The following HTRA3 variants were observed in gnomAD, a reference collection of about 807,000 sequenced individuals.
HTRA3 encodes HtrA serine peptidase 3, also known as serine protease HTRA3.
A neutral mutation model predicts 43.2 loss-of-function variants in HTRA3; 41 were observed. That is an observed-to-expected ratio of 0.95 (90% confidence interval 0.74 to 1.23). The LOEUF (loss-of-function observed/expected upper bound fraction) is 1.23, where lower values mean the gene tolerates loss of function less well. Among genes scored for constraint, HTRA3 ranks in the 50% most tolerant of loss-of-function variants. The pLI is 0.00. For synonymous variants in HTRA3, 295 were observed against 287.9 expected, an observed-to-expected ratio of 1.02 and a Z score of -0.25; for missense variants, 628 against 647.1, an observed-to-expected ratio of 0.97 and a Z score of 0.32.
In HTRA3 at chr4:8,297,995, A is replaced by G. The variant is rs1242152907; in HGVS notation, c.1051+3794A>G. Among the ~76,000 whole-genome samples the G allele has an allele frequency of 2.0e-5, 3 of 152,130 alleles. No individual in the cohort carries two copies. The highest frequency in any genetic ancestry group is 7.2e-5 in the African/African-American group (3 of 41,416). On this transcript the variant is annotated intron_variant, in intron 6 of 8. Transcript: ENST00000307358. The surrounding 1 kb of genome is among the most constrained non-coding windows in gnomAD (Gnocchi z 5.8). ...CCACATGCCTCATCCACTGTCAGCG[A>G]GTCCATTGGCCCAGGCTTCAGGATG...
intron 2 of HTRA3, among the ~76,000 whole-genome samples, chr4:8,283,060 G>A (rs1456581562): frequency 6.6e-6 from 1 of 152,216 alleles, no homozygotes; most frequent in Non-Finnish European, 1.5e-5. Context: ...AAGCACCGAG[G>A]CCCGTGTGGC....
intron 7 of HTRA3, among the ~76,000 whole-genome samples, chr4:8,302,792 C>G (rs73801725): frequency 5.3e-4 from 80 of 152,352 alleles, no homozygotes; most frequent in Non-Finnish European, 9.8e-4. Context: ...AATGTGTTCC[C>G]TCTCAGTTCT....
intron 6 of HTRA3, among the ~76,000 whole-genome samples, chr4:8,294,425 C>G (rs538437441): frequency 6.6e-6 from 1 of 151,842 alleles, no homozygotes; most frequent in Non-Finnish European, 1.5e-5. Flanking sequence ...GATTCGTGAT[C>G]GGCTTCATCC....
chr4:8,288,216 C>T (rs952806587), intron 3 of HTRA3, among the ~76,000 whole-genome samples: 1 of 152,218 alleles, frequency 6.6e-6, no homozygotes, highest in African/African-American at 2.4e-5. Flanking sequence ...GCATCACCTC[C>T]ATTTTAAAGT....
chr4:8,278,468 G>T (rs902874844), intron 1 of HTRA3, among the ~76,000 whole-genome samples: 1 of 152,062 alleles, frequency 6.6e-6, no homozygotes, highest in Non-Finnish European at 1.5e-5. Flanking sequence ...TCGAGGATGG[G>T]GTGGGGGTGG....
At position 8,295,537 on chromosome 4, in the gene HTRA3, G is replaced by A. The variant is rs1286715568; in HGVS notation, c.1051+1336G>A. On this transcript the variant is annotated intron_variant, in intron 6 of 8. Transcript: ENST00000307358. This position sits in a 1 kb window ranked among gnomAD's most constrained non-coding sequence, Gnocchi z 6.9. Reference sequence around the variant, plus strand: ...CCAGAGCAGGGCCATGCTTCCAATCGCAGGGCCTTTCCTGGGGGCCTCTCC... The same window carrying A: ...CCAGAGCAGGGCCATGCTTCCAATCACAGGGCCTTTCCTGGGGGCCTCTCC... Among the ~76,000 whole-genome samples, 2 of 152,200 alleles carry A rather than the reference G, an allele frequency of 1.3e-5. No homozygotes were observed. The highest frequency in any genetic ancestry group is 2.9e-5 in the Non-Finnish European group (2 of 68,036).
Position 8,296,198 on chromosome 4 carries a change from C to A in HTRA3, c.1051+1997C>A. The A allele has an allele frequency of 1.0e-6, 1 of 986,070 alleles. No homozygotes were observed. Among genetic ancestry groups the A allele is most frequent in the Non-Finnish European group, 1.2e-6 (1 of 830,390 alleles). 61.1% of individuals were successfully genotyped at this position (986,070 alleles called of 1,614,324 possible). On this transcript the variant is annotated intron_variant, in intron 6 of 8. Coordinates refer to ENST00000307358, the MANE Select transcript of HTRA3 (RefSeq NM_053044.5). The surrounding 1 kb of genome is among the most constrained non-coding windows in gnomAD (Gnocchi z 5.3). The stretch of plus-strand genomic sequence containing the variant: ...TGATAGTGTCCTCTTCCCTTCTTGC[C>A]TCTCTCTTTCTCCTGAGACAGGATC...
At chr4:8,273,317 T>C (rs915902218) in intron 1 of HTRA3, among the ~76,000 whole-genome samples, 1 of 152,116 alleles carries the variant, frequency 6.6e-6, no homozygotes, top group African/African-American at 2.4e-5. Flanking sequence ...CCTCCCGAGG[T>C]CCCAGCCAGA....
At chr4:8,271,182 G>T (rs756596281) in intron 1 of HTRA3, among the ~76,000 whole-genome samples, 20 of 151,972 alleles carry the variant, frequency 1.3e-4, no homozygotes, top group Non-Finnish European at 2.9e-4. Flanking sequence ...ACCATGGGGA[G>T]CACCAACTGC....
chr4:8,272,455 A>G (rs750441448), intron 1 of HTRA3, among the ~76,000 whole-genome samples: 1 of 152,090 alleles, frequency 6.6e-6, no homozygotes, highest in Non-Finnish European at 1.5e-5. Context: ...GTCCCAGCGC[A>G]CCTCTTCCCG....
At chr4:8,290,831 G>A (rs903348126) in intron 3 of HTRA3, among the ~76,000 whole-genome samples, 1 of 152,190 alleles carries the variant, frequency 6.6e-6, no homozygotes, top group African/African-American at 2.4e-5. Context: ...GGCGTGGGGT[G>A]GAGCTCGGCT....
intron 4 of HTRA3, 23 bp downstream of exon 4, chr4:8,291,587 C>T (rs779747831): frequency 3.0e-5 from 45 of 1,514,594 alleles, no homozygotes; most frequent in Non-Finnish European, 3.6e-5. Flanking sequence ...GACAGGAGGC[C>T]GGGGCACCTG....
At position 8,295,971 on chromosome 4, in the gene HTRA3, G is replaced by T. The variant is rs1713440165; in HGVS notation, c.1051+1770G>T. On this transcript the variant is annotated intron_variant, in intron 6 of 8. Transcript: ENST00000307358. The surrounding 1 kb of genome is among the most constrained non-coding windows in gnomAD (Gnocchi z 6.9). The stretch of plus-strand genomic sequence containing the variant: ...ATCTAATCTCTTGAGCCCTTTTCCT[G>T]TTGGCTTCTAGGAAGCTCAGAGCTA... 8 of 1,208,912 alleles carry T rather than the reference G, an allele frequency of 6.6e-6. No individual in the cohort carries two copies. The highest frequency in any genetic ancestry group is 2.1e-6 in the Non-Finnish European group (2 of 973,342). The allele number at this position is 1,208,912 out of a possible 1,614,324, so 74.9% of individuals were successfully genotyped here. A position where few individuals can be genotyped will look rare whatever the true frequency, so the allele number is the denominator to read the frequency against.
At position 8,297,267 on chromosome 4, in the gene HTRA3, C is replaced by G. The variant is rs1459728408; in HGVS notation, c.1051+3066C>G. 2.0e-5 allele frequency among the ~76,000 whole-genome samples: 3 copies of G among 151,854 alleles called. No individual in the cohort carries two copies. Among genetic ancestry groups the G allele is most frequent in the African/African-American group, 7.3e-5 (3 of 41,330 alleles). On this transcript the variant is annotated intron_variant, in intron 6 of 8. Coordinates refer to ENST00000307358, the MANE Select transcript of HTRA3 (RefSeq NM_053044.5). This position sits in a 1 kb window ranked among gnomAD's most constrained non-coding sequence, Gnocchi z 5.8. ...GTGTGTTCTGCTCACCTCTCAAGTT[C>G]AAGGAGAAGAGGCTTCAGAGTCCCC...
intron 3 of HTRA3, among the ~76,000 whole-genome samples, chr4:8,287,825 G>A (rs972241943): frequency 1.3e-5 from 2 of 152,196 alleles, no homozygotes; most frequent in Non-Finnish European, 2.9e-5. Flanking sequence ...ACAGCGCACT[G>A]GAGCAGGGCT....
rs554103213 is a variant in HTRA3, at chr4:8,292,063, CTGCCTGGCCTCCGGGGTGTAGA to C, written c.904-253_904-232del. Among the ~76,000 whole-genome samples the C allele has an allele frequency of 3.0e-3, 459 of 152,306 alleles. 3 individuals carry two copies. The highest frequency in any genetic ancestry group is 5.4e-3 in the South Asian group (26 of 4,826). ...CCCATTCTCCATGCACCAGGCGGTG[CTGCCTGGCCTCCGGGGTGTAGA>C]TGCCGAAGCGTATGGTTTGTGCAGA... On this transcript the variant is annotated intron_variant, in intron 4 of 8. Coordinates refer to ENST00000307358, the MANE Select transcript of HTRA3 (RefSeq NM_053044.5).
Position 8,282,471 on chromosome 4 carries a change from C to A in HTRA3, c.420C>A (p.Phe140Leu). ...AGCTGAGCAGCCCGCGCTACAAGTT[C>A]AACTTCATTGCTGACGTGGTGGAGA... ...LHQLSSPRYK[F>L]NFIADVVEKI... Residue 140 changes from phenylalanine (F) to leucine (L), a missense_variant, in exon 2 of 9, where the codon TTC becomes TTA. Coordinates refer to ENST00000307358, the MANE Select transcript of HTRA3 (RefSeq NM_053044.5). 6.2e-7 allele frequency: 1 copy of A among 1,614,070 alleles called. No homozygotes were observed. The highest frequency in any genetic ancestry group is 8.5e-7 in the Non-Finnish European group (1 of 1,180,002).
At chr4:8,289,930 G>A (rs1054831819) in intron 3 of HTRA3, among the ~76,000 whole-genome samples, 2 of 151,408 alleles carry the variant, frequency 1.3e-5, no homozygotes, top group African/African-American at 4.9e-5. Flanking sequence ...TTGGGTGCAG[G>A]GAGGATGGGC....
intron 6 of HTRA3, among the ~76,000 whole-genome samples, chr4:8,294,657 C>T (rs1457003828): frequency 5.1e-5 from 3 of 58,266 alleles, no homozygotes; most frequent in African/African-American, 1.4e-4. Flanking sequence ...TCCATCCATC[C>T]ATCCATCCAT....
Sources: allele counts gnomAD v4.1 joint callset (sites outside exome capture counted in the v4.1 genomes callset), GRCh38; gene constraint gnomAD v4.1.1; non-coding constraint Gnocchi (gnomAD v3.1); transcripts MANE v1.5; gene names NCBI Gene and HGNC (gene_info 2026-07-23, HGNC 2026-07-21).